The following ALG5 variants were observed in gnomAD, a reference collection of about 807,000 sequenced individuals.
The protein encoded by ALG5 is dolichyl-phosphate beta-glucosyltransferase.
A neutral mutation model predicts 51.8 loss-of-function variants in ALG5; 26 were observed. The ratio of observed to expected loss-of-function variants is 0.50; its 90% CI spans 0.37 to 0.70. The LOEUF is 0.70. ALG5 is among the 30% of genes least tolerant of loss of function. ALG5 has a pLI of 0.00. For missense variants in ALG5, 311 were observed against 399.3 expected, an observed-to-expected ratio of 0.78 and a Z score of 1.88; for synonymous variants, 141 against 136.1, an observed-to-expected ratio of 1.04 and a Z score of -0.25.
intron 6 of ALG5, among the ~76,000 whole-genome samples, chr13:36,981,483 T>G (rs1372938643): frequency 6.6e-6 from 1 of 152,182 alleles, no homozygotes; most frequent in African/African-American, 2.4e-5. Context: ...ATCAAATTTG[T>G]GGCTTAAATG....
At chr13:36,958,972 TG>T (rs1464768044) in intron 8 of ALG5, among the ~76,000 whole-genome samples, 1 of 151,960 alleles carries the variant, frequency 6.6e-6, no homozygotes, top group African/African-American at 2.4e-5. Context: ...TATTAAATCT[TG>T]CAACTGCAAA....
intron 5 of ALG5, among the ~76,000 whole-genome samples, chr13:36,989,180 AT>A (rs1204080770): frequency 6.6e-6 from 1 of 152,214 alleles, no homozygotes; most frequent in African/African-American, 2.4e-5. Context: ...TACAAAAAAC[AT>A]TTTTTAAACT....
At chr13:36,969,762 T>C (rs952996532) in intron 7 of ALG5, among the ~76,000 whole-genome samples, 1 of 152,106 alleles carries the variant, frequency 6.6e-6, no homozygotes, top group Non-Finnish European at 1.5e-5. Flanking sequence ...CTTGAACTCC[T>C]GACCTCAGGT....
chr13:36,984,562 A>C (rs955582481), intron 6 of ALG5, among the ~76,000 whole-genome samples: 1 of 151,930 alleles, frequency 6.6e-6, no homozygotes, highest in African/African-American at 2.4e-5. Context: ...ATGCAACTTT[A>C]ATTCTTTTTT....
chr13:36,973,603 A>T (rs2058936376), intron 6 of ALG5, among the ~76,000 whole-genome samples: 1 of 152,246 alleles, frequency 6.6e-6, no homozygotes, highest in African/African-American at 2.4e-5. Context: ...CATTTTAAAG[A>T]ATTGTATGAT....
chr13:36,963,939 G>A (rs1054318749), intron 8 of ALG5, among the ~76,000 whole-genome samples: 1 of 152,114 alleles, frequency 6.6e-6, no homozygotes, highest in Non-Finnish European at 1.5e-5. Flanking sequence ...TATGTGCTGG[G>A]CATGATATTA....
In ALG5 at chr13:36,956,494, T is replaced by C. The variant is rs1262964019; in HGVS notation, c.774-3895A>G. Among the ~76,000 whole-genome samples, 5 of 152,300 alleles carry C rather than the reference T, an allele frequency of 3.3e-5. No individual in the cohort carries two copies. In the East Asian group the frequency reaches 9.6e-4, roughly 29 times the overall value. On this transcript the variant is annotated intron_variant, in intron 8 of 9. Coordinates refer to ENST00000239891, the MANE Select transcript of ALG5 (RefSeq NM_013338.5). ...ACTTTTGAGTATTTATCCAAAAGAT[T>C]TGAAATCAGTATGTTGAGGAGATAA...
At chr13:36,974,784 C>T (rs1432179290) in intron 6 of ALG5, among the ~76,000 whole-genome samples, 1 of 151,656 alleles carries the variant, frequency 6.6e-6, no homozygotes, top group Non-Finnish European at 1.5e-5. Flanking sequence ...GTTACAAATT[C>T]ATATAATGTC....
At chr13:36,987,161 T>C (rs2059005553) in intron 5 of ALG5, among the ~76,000 whole-genome samples, 1 of 152,186 alleles carries the variant, frequency 6.6e-6, no homozygotes, top group South Asian at 2.1e-4. Flanking sequence ...TCACATCCTC[T>C]CTCCTAGGCT....
chr13:36,971,800 T>C (rs1487921532), intron 7 of ALG5, among the ~76,000 whole-genome samples, 177 bp downstream of exon 7: 1 of 152,004 alleles, frequency 6.6e-6, no homozygotes, highest in Non-Finnish European at 1.5e-5. Flanking sequence ...AAAAAATCAA[T>C]TCTAAAATGT....
intron 6 of ALG5, among the ~76,000 whole-genome samples, chr13:36,984,255 C>T (rs1201858214): frequency 7.2e-5 from 11 of 151,954 alleles, no homozygotes; most frequent in Admixed American, 6.6e-4. Flanking sequence ...TACACCACCA[C>T]ACCCTGTTAA....
chr13:36,966,785 A>G (rs2058895646), intron 7 of ALG5, among the ~76,000 whole-genome samples: 1 of 152,226 alleles, frequency 6.6e-6, no homozygotes, highest in South Asian at 2.1e-4. Flanking sequence ...AGAACATTTA[A>G]TATCTCATAC....
chr13:36,972,854 T>C (rs1253292654), intron 6 of ALG5, among the ~76,000 whole-genome samples: 1 of 151,676 alleles, frequency 6.6e-6, no homozygotes, highest in Non-Finnish European at 1.5e-5. Flanking sequence ...TAGCTGGGCG[T>C]GGTGGCGGGC....
At chr13:36,962,243 CAT>C (rs547709538) in intron 8 of ALG5, among the ~76,000 whole-genome samples, 362 of 152,232 alleles carry the variant, frequency 2.4e-3, no homozygotes, top group African/African-American at 7.9e-3. Context: ...GGAAATAAGG[CAT>C]AGATATACAA....
chr13:36,972,917 A>C (rs12864926), intron 6 of ALG5, among the ~76,000 whole-genome samples: 1 of 147,222 alleles, frequency 6.8e-6, no homozygotes, highest in Admixed American at 6.9e-5. Flanking sequence ...GCGTGAACCC[A>C]GGAGGCAGAG....
chr13:36,985,498 C>T, intron 6 of ALG5, 129 bp downstream of exon 6: 1 of 624,028 alleles, frequency 1.6e-6, no homozygotes, highest in Non-Finnish European at 2.8e-6. Flanking sequence ...TGGGGCTGTA[C>T]CATTTGTATA....
chr13:36,971,604 G>A (rs1318641686), intron 7 of ALG5, among the ~76,000 whole-genome samples: 2 of 116,306 alleles, frequency 1.7e-5, no homozygotes, highest in Non-Finnish European at 1.6e-5. Flanking sequence ...AGCCAAGATC[G>A]CACCACTGCA....
At chr13:36,982,150 CAG>C (rs917508252) in intron 6 of ALG5, among the ~76,000 whole-genome samples, 3 of 152,140 alleles carry the variant, frequency 2.0e-5, no homozygotes, top group African/African-American at 7.2e-5. Context: ...CAGCCTAAAA[CAG>C]AGAATACACA....
intron 6 of ALG5, among the ~76,000 whole-genome samples, chr13:36,981,725 A>G (rs140300002): frequency 6.6e-6 from 1 of 152,370 alleles, no homozygotes; most frequent in East Asian, 1.9e-4. Context: ...TAATGTGGAA[A>G]CCAAATCCAC....
Sources: gnomAD v4.1 joint callset for allele counts (sites outside exome capture counted in the v4.1 genomes callset) on GRCh38, gnomAD v4.1.1 for gene constraint, MANE v1.5 for transcripts, NCBI Gene and HGNC (gene_info 2026-07-23, HGNC 2026-07-21) for gene names.